BRIP1: variants seen among roughly 807,000 people sequenced by gnomAD.
BRIP1 encodes the protein Fanconi anemia group J protein.
BRIP1 carries 88 observed loss-of-function variants against 119.7 expected under a neutral mutation model. That is an observed-to-expected ratio of 0.74 (90% CI 0.62 to 0.88). The LOEUF (loss-of-function observed/expected upper bound fraction) is 0.88, where lower values mean the gene tolerates loss of function less well. Among genes scored for constraint, BRIP1 ranks in the 40% least tolerant of loss-of-function variants. The pLI is 0.00. For missense variants in BRIP1, 1,259 were observed against 1,455.4 expected (o/e 0.87, Z 2.20); for synonymous variants, 443 against 496.5 (o/e 0.89, Z 1.43).
Position 61,808,271 on chromosome 17 carries a change from A to C in BRIP1, c.918+196T>G, listed in dbSNP as rs1176540203. On this transcript the variant is annotated intron_variant, in intron 7 of 19. Coordinates refer to ENST00000259008, the MANE Select transcript of BRIP1 (RefSeq NM_032043.3). The surrounding 1 kb of genome is among the most constrained non-coding windows in gnomAD (Gnocchi z 4.1). ...CAAGGAATTAAATATCCCAAGCTTTAAGACCAAATCCCATACTTTAAAACT... is the reference window on the plus strand; with the variant it reads ...CAAGGAATTAAATATCCCAAGCTTTCAGACCAAATCCCATACTTTAAAACT... Among the ~76,000 whole-genome samples, 1 of 152,210 alleles carries C rather than the reference A, an allele frequency of 6.6e-6. No individual in the cohort carries two copies. Among genetic ancestry groups the C allele is most frequent in the Non-Finnish European group, 1.5e-5 (1 of 68,026 alleles).
In BRIP1 at chr17:61,684,042, A is replaced by T. The variant is rs2144091609; in HGVS notation, c.3004T>A (p.Trp1002Arg). The T allele has an allele frequency of 6.2e-7, 1 of 1,613,950 alleles. No homozygotes were observed. The highest frequency in any genetic ancestry group is 8.5e-7 in the Non-Finnish European group (1 of 1,179,968). Reference protein sequence around the residue: ...TFNKQTKRVSWSSFNSLGQYF... With the variant: ...TFNKQTKRVSRSSFNSLGQYF... ...TGTCCCAAAGAATTAAAGCTTGACC[A>T]GCTAACTCTCTTTGTTTGTTTGTTG... is the stretch of plus-strand genomic sequence containing the variant. The change falls in exon 20 of 20, where the codon TGG (tryptophan) becomes AGG (arginine). Residue 1002 changes from tryptophan (W) to arginine (R), a missense_variant. Trp to Arg is a moderately radical substitution (Grantham distance 101). Coordinates refer to ENST00000259008, the MANE Select transcript of BRIP1 (RefSeq NM_032043.3). This position sits in a 1 kb window ranked among gnomAD's most constrained non-coding sequence, Gnocchi z 4.5.
rs2077244128 is a variant in BRIP1, at chr17:61,759,339, T to C, written c.2098-14748A>G. Among the ~76,000 whole-genome samples the C allele has an allele frequency of 6.6e-6, 1 of 152,038 alleles. No homozygotes were observed. Among genetic ancestry groups the C allele is most frequent in the African/African-American group, 2.4e-5 (1 of 41,412 alleles). On this transcript the variant is annotated intron_variant, in intron 14 of 19. Coordinates refer to ENST00000259008, the MANE Select transcript of BRIP1 (RefSeq NM_032043.3). This position sits in a 1 kb window ranked among gnomAD's most constrained non-coding sequence, Gnocchi z 4.9. ...TAAAAAGAAACAACGAAGAACATTA[T>C]TTAACAAAAAAAGGTCAATTCATCA...
chr17:61,817,245 T>C (rs983922000), intron 6 of BRIP1, among the ~76,000 whole-genome samples: 5 of 152,172 alleles, frequency 3.3e-5, no homozygotes, highest in Non-Finnish European at 7.4e-5. Context: ...AAAAGACATA[T>C]ATGTATTATT....
chr17:61,737,259 C>G (rs995316201), intron 16 of BRIP1, among the ~76,000 whole-genome samples: 1 of 152,112 alleles, frequency 6.6e-6, no homozygotes, highest in African/African-American at 2.4e-5. Context: ...TTTAAACTCT[C>G]CAATTGAAAG....
Position 61,680,910 on chromosome 17 carries a change from C to T in BRIP1, c.*2386G>A, listed in dbSNP as rs1396528681. On this transcript the variant is annotated 3_prime_UTR_variant, in exon 20 of 20. Transcript: ENST00000259008. ...TTCTCATGCTGCTAATAAAGTCATA[C>T]CCAAGACTGGGTAATTTATAAAGGA... 6.6e-6 allele frequency among the ~76,000 whole-genome samples: 1 copy of T among 152,132 alleles called. No individual in the cohort carries two copies. The highest frequency in any genetic ancestry group is 2.4e-5 in the African/African-American group (1 of 41,402).
At chr17:61,688,174 C>T (rs1018644751) in intron 18 of BRIP1, among the ~76,000 whole-genome samples, 1 of 152,216 alleles carries the variant, frequency 6.6e-6, no homozygotes, top group African/African-American at 2.4e-5. Flanking sequence ...TGCCTGGAAT[C>T]TACTAAGAAC....
intron 2 of BRIP1, 31 bp from the exon 3 acceptor site, chr17:61,859,938 A>G (rs371191737): frequency 7.2e-5 from 104 of 1,436,946 alleles, no homozygotes; most frequent in Non-Finnish European, 9.1e-5. Context: ...GAAAATAATA[A>G]ACATATTAAC....
At position 61,706,139 on chromosome 17, in the gene BRIP1, C is replaced by T. The variant is rs1326425355; in HGVS notation, c.2492+9812G>A. Among the ~76,000 whole-genome samples, 1 of 152,050 alleles carries T rather than the reference C, an allele frequency of 6.6e-6. No individual in the cohort carries two copies. On this transcript the variant is annotated intron_variant, in intron 17 of 19. Coordinates refer to ENST00000259008, the MANE Select transcript of BRIP1 (RefSeq NM_032043.3). This position sits in a 1 kb window ranked among gnomAD's most constrained non-coding sequence, Gnocchi z 5.7. ...GATTCTTATGTCTTCTTGGTGAATTCACCCTTTTATCATTATGTAATGTTC... is the reference window on the plus strand; with the variant it reads ...GATTCTTATGTCTTCTTGGTGAATTTACCCTTTTATCATTATGTAATGTTC...
rs1408440742 is a variant in BRIP1, at chr17:61,767,124, G to C, written c.2097+9277C>G. On this transcript the variant is annotated intron_variant, in intron 14 of 19. Coordinates refer to ENST00000259008, the MANE Select transcript of BRIP1 (RefSeq NM_032043.3). This position sits in a 1 kb window ranked among gnomAD's most constrained non-coding sequence, Gnocchi z 5.7. Reference sequence around the variant, plus strand: ...CTCTTACCCTTAAACAAATGCTGCAGTTTACATCAAAAGAATATTAGTTTT... The same window carrying C: ...CTCTTACCCTTAAACAAATGCTGCACTTTACATCAAAAGAATATTAGTTTT... 6.6e-6 allele frequency among the ~76,000 whole-genome samples: 1 copy of C among 152,020 alleles called. No homozygotes were observed. The highest frequency in any genetic ancestry group is 6.6e-5 in the Admixed American group (1 of 15,248).
At position 61,828,094 on chromosome 17, in the gene BRIP1, A is replaced by G. The variant is rs2078435833; in HGVS notation, c.627+19007T>C. 6.6e-6 allele frequency among the ~76,000 whole-genome samples: 1 copy of G among 152,200 alleles called. No homozygotes were observed. Among genetic ancestry groups the G allele is most frequent in the African/African-American group, 2.4e-5 (1 of 41,448 alleles). On this transcript the variant is annotated intron_variant, in intron 6 of 19. Coordinates refer to ENST00000259008, the MANE Select transcript of BRIP1 (RefSeq NM_032043.3). The surrounding 1 kb of genome is among the most constrained non-coding windows in gnomAD (Gnocchi z 4.1). ...CGAATGAAAACAGAGACTCAAACAG[A>G]TACGTACACCAATGTTCACAGCAGC... is the stretch of plus-strand genomic sequence containing the variant.
rs557572769 is a variant in BRIP1, at chr17:61,861,586, A to G, written c.-30-17T>C. The G allele has an allele frequency of 1.1e-5, 16 of 1,401,158 alleles. No homozygotes were observed. The South Asian group carries it at 1.6e-4, about 14-fold the overall frequency. The allele number at this position is 1,401,158 out of a possible 1,614,324, so 86.8% of individuals were successfully genotyped here. A position where few individuals can be genotyped will look rare whatever the true frequency, so the allele number is the denominator to read the frequency against. ...GATTCCTAACTACAACAGAAATGAA[A>G]ATGTCAAATATTGAGACACGCCTTA... On this transcript the variant is annotated splice_polypyrimidine_tract_variant and intron_variant, in intron 1 of 19. Transcript: ENST00000259008. The surrounding 1 kb of genome is among the most constrained non-coding windows in gnomAD (Gnocchi z 4.5).
chr17:61,737,066 A>T (rs1712292908), intron 16 of BRIP1, among the ~76,000 whole-genome samples: 1 of 152,176 alleles, frequency 6.6e-6, no homozygotes, highest in South Asian at 2.1e-4. Context: ...GGTAAATACT[A>T]AAAACCAAAA....
Position 61,823,645 on chromosome 17 carries a change from G to GA in BRIP1, c.628-14889dup, listed in dbSNP as rs1301559046. Among the ~76,000 whole-genome samples, 1 of 151,634 alleles carries GA rather than the reference G, an allele frequency of 6.6e-6. No homozygotes were observed. Among genetic ancestry groups the GA allele is most frequent in the African/African-American group, 2.4e-5 (1 of 41,280 alleles). On this transcript the variant is annotated intron_variant, in intron 6 of 19. Coordinates refer to ENST00000259008, the MANE Select transcript of BRIP1 (RefSeq NM_032043.3). This position sits in a 1 kb window ranked among gnomAD's most constrained non-coding sequence, Gnocchi z 4.8. Reference sequence around the variant, plus strand: ...TATACACATAATTGAAGTCTGAAAGGAAAAAAATGAGTACTTAAGAAAATA... The same window carrying GA: ...TATACACATAATTGAAGTCTGAAAGGAAAAAAAATGAGTACTTAAGAAAATA...
chr17:61,808,824 A>C lies in BRIP1; in HGVS notation c.628-67T>G. 6.9e-7 allele frequency: 1 copy of C among 1,459,504 alleles called. No individual in the cohort carries two copies. The highest frequency in any genetic ancestry group is 1.4e-5 in the African/African-American group (1 of 71,896). The allele number at this position is 1,459,504 out of a possible 1,614,324, so 90.4% of individuals were successfully genotyped here. On this transcript the variant is annotated intron_variant, in intron 6 of 19. Coordinates refer to ENST00000259008, the MANE Select transcript of BRIP1 (RefSeq NM_032043.3). This position sits in a 1 kb window ranked among gnomAD's most constrained non-coding sequence, Gnocchi z 4.1. ...CATAAAAAACGTTATCAAACCTCAC[A>C]TGGAATCAGAACCTGTAAGTAATGA... is the stretch of plus-strand genomic sequence containing the variant.
chr17:61,732,134 T>C (rs974135431), intron 16 of BRIP1, among the ~76,000 whole-genome samples: 3 of 151,742 alleles, frequency 2.0e-5, no homozygotes, highest in Non-Finnish European at 2.9e-5. Context: ...GATTGTGCCA[T>C]CACACCCAGC....
At chr17:61,838,227 G>A (rs1305050014) in intron 6 of BRIP1, among the ~76,000 whole-genome samples, 1 of 151,990 alleles carries the variant, frequency 6.6e-6, no homozygotes, top group African/African-American at 2.4e-5. Flanking sequence ...TAAAAAGCAA[G>A]ATAGGAAAAG....
In BRIP1 at chr17:61,776,256, A is replaced by C; in HGVS notation, c.2097+145T>G. On this transcript the variant is annotated intron_variant, in intron 14 of 19. Transcript: ENST00000259008. The surrounding 1 kb of genome is among the most constrained non-coding windows in gnomAD (Gnocchi z 5.0). ...ATCTTAATCAAAAAATAAGTAAAAT[A>C]ATATGTGATGTTTAGAAAACTATAG... 1 of 849,902 alleles carries C rather than the reference A, an allele frequency of 1.2e-6. No individual in the cohort carries two copies. The highest frequency in any genetic ancestry group is 2.6e-5 in the Admixed American group (1 of 38,308). 52.6% of individuals were successfully genotyped at this position (849,902 alleles called of 1,614,324 possible). A position where few individuals can be genotyped will look rare whatever the true frequency, so the allele number is the denominator to read the frequency against.
rs567989615 is a variant in BRIP1 at position 61,846,044 on chromosome 17, T to C, written c.627+1057A>G. Reference sequence around the variant, plus strand: ...AAAAATACAAAAAATTAGCCAGGCGTGGTGGCAGGCGCCTGTAGTCCCAAC... The same window carrying C: ...AAAAATACAAAAAATTAGCCAGGCGCGGTGGCAGGCGCCTGTAGTCCCAAC... On this transcript the variant is annotated intron_variant, in intron 6 of 19. Coordinates refer to ENST00000259008, the MANE Select transcript of BRIP1 (RefSeq NM_032043.3). The surrounding 1 kb of genome is among the most constrained non-coding windows in gnomAD (Gnocchi z 4.3). Among the ~76,000 whole-genome samples, 1,029 of 151,922 alleles carry C rather than the reference T, an allele frequency of 6.8e-3. 4 individuals are homozygous for C. Among genetic ancestry groups the C allele is most frequent in the Non-Finnish European group, 0.011 (740 of 67,920 alleles).
In BRIP1 at chr17:61,851,742, G is replaced by C. The variant is rs1240371807; in HGVS notation, c.380-2486C>G. Among the ~76,000 whole-genome samples, 1 of 152,064 alleles carries C rather than the reference G, an allele frequency of 6.6e-6. No individual in the cohort carries two copies. The highest frequency in any genetic ancestry group is 6.5e-5 in the Admixed American group (1 of 15,272). ...TTCAAAAGCATCCTGGCTATCCTTA[G>C]TCCTTTGCATTTCCATATATATTTT... On this transcript the variant is annotated intron_variant, in intron 4 of 19. Coordinates refer to ENST00000259008, the MANE Select transcript of BRIP1 (RefSeq NM_032043.3). The surrounding 1 kb of genome is among the most constrained non-coding windows in gnomAD (Gnocchi z 4.6).
Sources: allele counts gnomAD v4.1 joint callset (sites outside exome capture counted in the v4.1 genomes callset), GRCh38; gene constraint gnomAD v4.1.1; non-coding constraint Gnocchi (gnomAD v3.1); transcripts MANE v1.5; gene names NCBI Gene and HGNC (gene_info 2026-07-23, HGNC 2026-07-21).